GALNS: variants seen among roughly 807,000 people sequenced by gnomAD.
GALNS encodes the protein N-acetylgalactosamine-6-sulfatase.
GALNS carries 65 observed loss-of-function variants against 65.9 expected under a neutral mutation model. The ratio of observed to expected loss-of-function variants is 0.99; its 90% CI spans 0.81 to 1.21. The LOEUF (loss-of-function observed/expected upper bound fraction) is 1.21. GALNS is among the 50% of genes most tolerant of loss of function. The probability of loss-of-function intolerance (pLI) is 0.00; values close to 1 mark genes in which losing one functional copy is unlikely to be tolerated. For missense variants in GALNS, 776 were observed against 700.7 expected (o/e 1.11, Z -1.21); for synonymous variants, 346 against 288.9 (o/e 1.20, Z -2.00).
intron 1 of GALNS, among the ~76,000 whole-genome samples, chr16:88,851,400 G>A (rs1180119320): frequency 2.0e-5 from 3 of 152,032 alleles, no homozygotes; most frequent in Non-Finnish European, 4.4e-5. Flanking sequence ...GTTCCAACAT[G>A]GCTGAATAGG....
chr16:88,847,553 G>C (rs1485323042), intron 1 of GALNS, among the ~76,000 whole-genome samples: 2 of 152,142 alleles, frequency 1.3e-5, no homozygotes, highest in Non-Finnish European at 2.9e-5. Flanking sequence ...TCGGGCCCTT[G>C]TAAAGTTTCC....
At chr16:88,828,727 C>T (rs1022633383) in intron 9 of GALNS, among the ~76,000 whole-genome samples, 4 of 152,206 alleles carry the variant, frequency 2.6e-5, no homozygotes, top group South Asian at 4.1e-4. Flanking sequence ...GGAGCCTTTC[C>T]GTGGGCAGGT....
chr16:88,834,290 C>T (rs2143000468), intron 8 of GALNS, among the ~76,000 whole-genome samples: 1 of 152,032 alleles, frequency 6.6e-6, no homozygotes, highest in South Asian at 2.1e-4. Context: ...GTAGGCGCCC[C>T]CCGACATGGT....
intron 1 of GALNS, chr16:88,855,029 A>C: frequency 5.8e-6 from 2 of 346,224 alleles, no homozygotes; most frequent in Non-Finnish European, 1.1e-5. Context: ...TCCACCCTGC[A>C]CGGCCTGAAC....
chr16:88,831,909 G>C, intron 9 of GALNS, 89 bp downstream of exon 9: 4 of 1,086,678 alleles, frequency 3.7e-6, no homozygotes, highest in Non-Finnish European at 5.5e-6. Flanking sequence ...CGGGGTGCAT[G>C]GGGGAGGTGG....
At chr16:88,839,886 C>T (rs1966888980) in intron 4 of GALNS, among the ~76,000 whole-genome samples, 1 of 152,242 alleles carries the variant, frequency 6.6e-6, no homozygotes, top group South Asian at 2.1e-4. Flanking sequence ...GACAGAGCTG[C>T]CAGGCCAGGC....
Position 88,822,657 on chromosome 16 carries a change from C to T in GALNS, c.1296G>A (p.Leu432=). The T allele has an allele frequency of 6.2e-7, 1 of 1,613,158 alleles. No individual in the cohort carries two copies. Among genetic ancestry groups the T allele is most frequent in the Non-Finnish European group, 8.5e-7 (1 of 1,179,830 alleles). Reference sequence around the variant, plus strand: ...TCAGGGGCAGCTTCGTGTGGTCTTCCAGATTGTGAGTTGTGACCCCTGAAA... The same window carrying T: ...TCAGGGGCAGCTTCGTGTGGTCTTCTAGATTGTGAGTTGTGACCCCTGAAA... ...QNVSGVTTHN[L]EDHTKLPLIF... is the part of the protein sequence containing the mutation. Residue 432 remains leucine, a synonymous_variant, in exon 12 of 14, where the codon CTG becomes CTA. Transcript: ENST00000268695.
intron 4 of GALNS, chr16:88,840,584 G>T: frequency 2.9e-6 from 1 of 343,304 alleles, no homozygotes; most frequent in East Asian, 7.7e-5. Flanking sequence ...TTAGACCAGA[G>T]CTTTCACCAT....
intron 1 of GALNS, chr16:88,843,341 C>T: frequency 1.6e-6 from 1 of 632,262 alleles, no homozygotes; most frequent in Middle Eastern, 4.0e-4. Flanking sequence ...GCTGTACACC[C>T]AAGAGACTGA....
At chr16:88,816,781 G>A (rs1909672565) in intron 13 of GALNS, 1 of 985,342 alleles carries the variant, frequency 1.0e-6, no homozygotes, top group South Asian at 4.7e-5. Flanking sequence ...TCTGGCCCTG[G>A]AAAGAGGCTT....
Position 88,842,877 on chromosome 16 carries a change from C to T in GALNS, c.121-48G>A, listed in dbSNP as rs761394683. ...GAGGAATGAGCGCCTTCTGCAGGTGCTTCTGGCCTGGGGAGCTGCCCATGG... is the reference window on the plus strand; with the variant it reads ...GAGGAATGAGCGCCTTCTGCAGGTGTTTCTGGCCTGGGGAGCTGCCCATGG... On this transcript the variant is annotated intron_variant, in intron 1 of 13. Transcript: ENST00000268695. 1.9e-6 allele frequency: 3 copies of T among 1,606,260 alleles called. No homozygotes were observed. The Admixed American group carries it at 5.0e-5, about 27-fold the overall frequency.
In GALNS at chr16:88,824,828, G is replaced by A. The variant is rs773340854; in HGVS notation, c.1181C>T (p.Thr394Ile). ...GAAGTGAGCCTTGTGCTGCCCGAGG[G>A]TGGCCGCCATCAGCGTGTCGCCACG... is the stretch of plus-strand genomic sequence containing the variant. ...YYRGDTLMAA[T>I]LGQHKAHFWT... The change falls in exon 11 of 14, where the codon ACC becomes ATC. Residue 394 changes from threonine to isoleucine, a missense_variant. Thr to Ile is a moderately conservative substitution (Grantham distance 89, BLOSUM62 -1). Coordinates refer to ENST00000268695, the MANE Select transcript of GALNS (RefSeq NM_000512.5). 2.5e-6 allele frequency: 4 copies of A among 1,613,414 alleles called. No homozygotes were observed. The highest frequency in any genetic ancestry group is 1.7e-4 in the Middle Eastern group (1 of 6,060).
At chr16:88,834,692 G>C (rs925514191) in intron 8 of GALNS, among the ~76,000 whole-genome samples, 2 of 150,736 alleles carry the variant, frequency 1.3e-5, no homozygotes, top group African/African-American at 4.9e-5. Context: ...CTGGGGATGG[G>C]TCAGGCATTC....
chr16:88,852,039 C>T (rs567209839), intron 1 of GALNS, among the ~76,000 whole-genome samples: 5 of 152,354 alleles, frequency 3.3e-5, no homozygotes, highest in East Asian at 1.9e-4. Flanking sequence ...GCTCTGAGAA[C>T]GGACACATTG....
chr16:88,826,672 G>C, intron 10 of GALNS, 30 bp downstream of exon 10: 5 of 1,604,182 alleles, frequency 3.1e-6, no homozygotes, highest in Non-Finnish European at 3.4e-6. Flanking sequence ...TTGGATCGGG[G>C]GAAGGGGCCG....
intron 1 of GALNS, among the ~76,000 whole-genome samples, chr16:88,846,976 GTGTGGACACC>G (rs909823842): frequency 6.6e-6 from 1 of 152,128 alleles, no homozygotes; most frequent in Non-Finnish European, 1.5e-5. Flanking sequence ...ACACCTGGTT[GTGTGGACACC>G]TGTGGACACA....
chr16:88,840,093 C>T lies in GALNS; in HGVS notation c.422+899G>A, dbSNP rs1030620312. ...AGGACTCTGCAGCTGCTGTGCCCAT[C>T]AGCTCTGCCCTGTGCTTTCTGAGAG... On this transcript the variant is annotated intron_variant, in intron 4 of 13. Transcript: ENST00000268695. 3.9e-5 allele frequency among the ~76,000 whole-genome samples: 6 copies of T among 152,356 alleles called. No homozygotes were observed. The South Asian group carries it at 6.2e-4, about 16-fold the overall frequency.
chr16:88,830,672 C>T (rs1009637291), intron 9 of GALNS, among the ~76,000 whole-genome samples: 3 of 152,208 alleles, frequency 2.0e-5, no homozygotes, highest in African/African-American at 4.8e-5. Flanking sequence ...GATTCTCAAC[C>T]GAGGGGCAGC....
chr16:88,854,837 G>C (rs1296608378), intron 1 of GALNS, among the ~76,000 whole-genome samples: 1 of 152,258 alleles, frequency 6.6e-6, no homozygotes, highest in African/African-American at 2.4e-5. Flanking sequence ...TCTGCTGTCT[G>C]CATCAGAAAG....
Sources: allele counts gnomAD v4.1 joint callset (sites outside exome capture counted in the v4.1 genomes callset), GRCh38; gene constraint gnomAD v4.1.1; transcripts MANE v1.5; gene names NCBI Gene and HGNC (gene_info 2026-07-23, HGNC 2026-07-21).